MYH14: variants seen among roughly 807,000 people sequenced by gnomAD.
MYH14 encodes the protein myosin heavy chain 14, also known as myosin-14.
In MYH14, 123 loss-of-function variants were observed where a neutral mutation model predicts 255.5. The ratio of observed to expected loss-of-function variants is 0.48; its 90% CI spans 0.42 to 0.56. The LOEUF (loss-of-function observed/expected upper bound fraction) is 0.56, where lower values mean the gene tolerates loss of function less well. Ranked by LOEUF, MYH14 falls within the 20% of genes least tolerant of loss-of-function variation. MYH14 has a pLI of 0.00. For synonymous variants in MYH14, 1,095 were observed against 1,161.2 expected (o/e 0.94, Z 1.16); for missense variants, 2,423 against 2,802.3 (o/e 0.86, Z 3.06).
chr19:50,292,381 C>T lies in MYH14; in HGVS notation c.5248C>T (p.Leu1750=), dbSNP rs767460958. 6.3e-7 allele frequency: 1 copy of T among 1,582,584 alleles called. No individual in the cohort carries two copies. Among genetic ancestry groups the T allele is most frequent in the Non-Finnish European group, 8.6e-7 (1 of 1,165,262 alleles). The change falls in exon 37 of 43, where the codon CTG becomes TTG. Residue 1750 remains leucine (L), a synonymous_variant. Coordinates refer to ENST00000642316, the MANE Select transcript of MYH14 (RefSeq NM_001145809.2). ...LKGLEAEVLR[L]QEELAASDRA... The stretch of plus-strand genomic sequence containing the variant: ...GGGCCTGGAGGCTGAGGTGCTGCGG[C>T]TGCAGGAGGTGAGGCTGGGGTAGGC...
intron 1 of MYH14, among the ~76,000 whole-genome samples, chr19:50,207,312 A>AGAGAGAGAGAGAGAGAGAGG (rs1438345270): frequency 3.3e-4 from 49 of 148,356 alleles, no homozygotes; most frequent in Middle Eastern, 3.5e-3. Context: ...AGAGAGAGAG[A>AGAGAGAGAGAGAGAGAGAGG]GACTAGGGGC....
rs573961115 is a variant in MYH14 at position 50,227,165 on chromosome 19, G to C, written c.874+199G>C. On this transcript the variant is annotated intron_variant, in intron 8 of 42. Transcript: ENST00000642316. The stretch of plus-strand genomic sequence containing the variant: ...GGCCAGCACAGCCTCGCTATGGGGT[G>C]GTGGGTTGGGGTCCACCCAGTTCAG... 2.0e-5 allele frequency among the ~76,000 whole-genome samples: 3 copies of C among 152,180 alleles called. No homozygotes were observed. In the South Asian group the frequency reaches 6.2e-4, roughly 32 times the overall value.
chr19:50,252,734 G>A lies in MYH14; in HGVS notation c.1926G>A (p.Thr642=), dbSNP rs748143763. ...ALLHQSTDRL[T]AEIWKDEHGG... ...TCCACCAGAGCACAGACCGGCTGAC[G>A]GCAGAGATCTGGAAAGACGGTGAGG... The change falls in exon 16 of 43, where the codon ACG becomes ACA. Residue 642 remains threonine, a synonymous_variant. Transcript: ENST00000642316. This position sits in a 1 kb window ranked among gnomAD's most constrained non-coding sequence, Gnocchi z 4.2. The A allele has an allele frequency of 1.3e-5, 21 of 1,591,756 alleles. No individual in the cohort carries two copies. The highest frequency in any genetic ancestry group is 8.0e-5 in the South Asian group (7 of 87,432).
chr19:50,307,161 A>C lies in MYH14; in HGVS notation c.5787+4A>C. ...GGCTGACCAGCTCCGGGACCAGGTAAGCAGCTGGCATCATTAGGGAGCAGT... is the reference window on the plus strand; with the variant it reads ...GGCTGACCAGCTCCGGGACCAGGTACGCAGCTGGCATCATTAGGGAGCAGT... On this transcript the variant is annotated splice_donor_region_variant and intron_variant, in intron 41 of 42. Coordinates refer to ENST00000642316, the MANE Select transcript of MYH14 (RefSeq NM_001145809.2). The C allele has an allele frequency of 6.5e-7, 1 of 1,527,788 alleles. No homozygotes were observed. The highest frequency in any genetic ancestry group is 8.9e-7 in the Non-Finnish European group (1 of 1,127,456). The allele number at this position is 1,527,788 out of a possible 1,614,324, so 94.6% of individuals were successfully genotyped here.
intron 10 of MYH14, among the ~76,000 whole-genome samples, chr19:50,241,778 G>A (rs1331026117): frequency 6.6e-6 from 1 of 151,998 alleles, no homozygotes; most frequent in Admixed American, 6.6e-5. Flanking sequence ...GAGTAGCTGG[G>A]ACCACAGGCA....
rs1446944067 is a variant in MYH14 at position 50,292,447 on chromosome 19, C to T, written c.5256+58C>T. On this transcript the variant is annotated intron_variant, in intron 37 of 42. Transcript: ENST00000642316. ...GAAGCTGGGAGGTGGGCAAGGCTAA[C>T]CTTGAGGTCCCTGGATGTGAAGCTG... is the stretch of plus-strand genomic sequence containing the variant. 6 of 1,461,370 alleles carry T rather than the reference C, an allele frequency of 4.1e-6. No individual in the cohort carries two copies. In the East Asian group the frequency reaches 1.8e-4, roughly 43 times the overall value. The allele number at this position is 1,461,370 out of a possible 1,614,324, so 90.5% of individuals were successfully genotyped here. A position where few individuals can be genotyped will look rare whatever the true frequency, so the allele number is the denominator to read the frequency against.
intron 1 of MYH14, among the ~76,000 whole-genome samples, 189 bp downstream of exon 1, chr19:50,203,860 G>A (rs942254248): frequency 2.2e-4 from 33 of 151,052 alleles, no homozygotes; most frequent in African/African-American, 7.5e-4. Context: ...GGGGCGGGAC[G>A]TCTACACTCC....
chr19:50,224,665 C>T (rs962022367), intron 6 of MYH14, among the ~76,000 whole-genome samples: 1 of 152,188 alleles, frequency 6.6e-6, no homozygotes, highest in African/African-American at 2.4e-5. Flanking sequence ...CAGGCTCTGA[C>T]ACCAAGGGGG....
rs772970544 is a variant in MYH14, at chr19:50,217,723, C to T, written c.514C>T (p.Pro172Ser). ...GGGCAAGAAGCGCCACGAGGTGCCA[C>T]CCCACGTGTACGCAGTGACCGAGGG... ...YRGKKRHEVPPHVYAVTEGAY... is the reference protein window; with the variant it reads ...YRGKKRHEVPSHVYAVTEGAY... Residue 172 changes from proline (P) to serine (S), a missense_variant, in exon 3 of 43, where the codon CCC becomes TCC. Transcript: ENST00000642316. 6.2e-7 allele frequency: 1 copy of T among 1,613,972 alleles called. No homozygotes were observed.
chr19:50,204,198 T>C (rs1318136804), intron 1 of MYH14, among the ~76,000 whole-genome samples: 1 of 152,066 alleles, frequency 6.6e-6, no homozygotes, highest in South Asian at 2.1e-4. Context: ...GTGAGTTATA[T>C]TGTACCCATT....
At chr19:50,259,312 C>G (rs115140652) in intron 19 of MYH14, 47 bp downstream of exon 19, 3 of 1,547,730 alleles carry the variant, frequency 1.9e-6, no homozygotes, top group Admixed American at 3.9e-5. Flanking sequence ...CTGGGTGGGA[C>G]CCGGGTCTGG....
chr19:50,223,848 C>G (rs1237409894), intron 5 of MYH14, among the ~76,000 whole-genome samples: 1 of 152,178 alleles, frequency 6.6e-6, no homozygotes, highest in African/African-American at 2.4e-5. Context: ...TGGCTCATGC[C>G]TGTAATCCCA....
At position 50,289,542 on chromosome 19, in the gene MYH14, A is replaced by G. The variant is rs1217458452; in HGVS notation, c.4859A>G (p.Lys1620Arg). 9 of 1,612,974 alleles carry G rather than the reference A, an allele frequency of 5.6e-6. No homozygotes were observed. Among genetic ancestry groups the G allele is most frequent in the Admixed American group, 1.7e-5 (1 of 59,912 alleles). The change falls in exon 35 of 43, where the codon AAG becomes AGG. Residue 1620 changes from lysine to arginine, a missense_variant. Around this residue, in one of 3 missense-constraint regions of MYH14, gnomAD observed 1,513 missense variants for 1,674.8 expected, o/e 0.90. Transcript: ENST00000642316. ...GAGCTGACAGCGGCCGAGGATGCCA[A>G]GCTGCGTCTGGAGGTGACTGTGCAG... ...EDELTAAEDA[K>R]LRLEVTVQAL... is the part of the protein sequence containing the mutation.
rs1486866936 is a variant in MYH14 at position 50,281,658 on chromosome 19, G to A, written c.4355G>A (p.Arg1452Gln). 4.4e-6 allele frequency: 7 copies of A among 1,607,790 alleles called. No homozygotes were observed. In the Admixed American group the frequency reaches 5.0e-5, roughly 12 times the overall value. ...AGALEAGEEA[R>Q]RRAAREAEAL... is the part of the protein sequence containing the mutation. ...GCACTGGAGGCAGGGGAGGAGGCAC[G>A]GCGCCGGGCAGCCCGGGAGGCCGAG... Residue 1452 changes from arginine (R) to glutamine (Q), a missense_variant, in exon 33 of 43, where the codon CGG (arginine) becomes CAG (glutamine). Around this residue, in one of 3 missense-constraint regions of MYH14, gnomAD observed 1,513 missense variants for 1,674.8 expected, o/e 0.90. Transcript: ENST00000642316.
chr19:50,261,615 C>T lies in MYH14; in HGVS notation c.2565C>T (p.Ala855=). 2 of 1,599,374 alleles carry T rather than the reference C, an allele frequency of 1.3e-6. No individual in the cohort carries two copies. Among genetic ancestry groups the T allele is most frequent in the South Asian group, 2.2e-5 (2 of 89,340 alleles). The change falls in exon 21 of 43, where the codon GCC becomes GCT. Residue 855 remains alanine (A), a synonymous_variant. Coordinates refer to ENST00000642316, the MANE Select transcript of MYH14 (RefSeq NM_001145809.2). The part of the protein sequence containing the change: ...TDIIVSFQAA[A]RGYLARRAFQ... ...TCATCGTCTCCTTCCAGGCAGCTGCCCGGGGATACCTGGCTCGCAGGTGGG... is the reference window on the plus strand; with the variant it reads ...TCATCGTCTCCTTCCAGGCAGCTGCTCGGGGATACCTGGCTCGCAGGTGGG...
chr19:50,297,152 AT>A (rs1251180287), intron 39 of MYH14, among the ~76,000 whole-genome samples: 1 of 151,850 alleles, frequency 6.6e-6, no homozygotes, highest in Non-Finnish European at 1.5e-5. Flanking sequence ...TGCCTGGCTA[AT>A]ATTTGTATTT....
At chr19:50,264,944 G>T (rs911405492) in intron 22 of MYH14, among the ~76,000 whole-genome samples, 2 of 152,206 alleles carry the variant, frequency 1.3e-5, no homozygotes, top group African/African-American at 4.8e-5. Flanking sequence ...GGTTTTGGGG[G>T]CAGTAATGTA....
chr19:50,235,938 G>A (rs749971099), intron 10 of MYH14, among the ~76,000 whole-genome samples: 10 of 151,968 alleles, frequency 6.6e-5, no homozygotes, highest in Admixed American at 3.3e-4. Context: ...TTGCAGCTGC[G>A]TAAGGTTTTA....
intron 5 of MYH14, 110 bp from the exon 6 acceptor site, chr19:50,224,031 TTCCCCAGTCCCCC>T: frequency 9.8e-6 from 6 of 613,676 alleles, no homozygotes; most frequent in East Asian, 3.3e-5. Flanking sequence ...CATGCCCGGT[TTCCCCAGTCCCCC>T]TTCCCCCACC....
Sources: allele counts gnomAD v4.1 joint callset (sites outside exome capture counted in the v4.1 genomes callset), GRCh38; gene constraint gnomAD v4.1.1; regional missense constraint gnomAD v4.1.1; non-coding constraint Gnocchi (gnomAD v3.1); transcripts MANE v1.5; gene names NCBI Gene and HGNC (gene_info 2026-07-23, HGNC 2026-07-21).